SDCCAG8: variants seen among roughly 807,000 people sequenced by gnomAD.
SDCCAG8 encodes the protein SHH signaling and ciliogenesis regulator SDCCAG8, also known as serologically defined colon cancer antigen 8.
A neutral mutation model predicts 101.8 loss-of-function variants in SDCCAG8; 74 were observed. The observed-to-expected ratio is 0.73, with a 90% CI of 0.60 to 0.88. The LOEUF (loss-of-function observed/expected upper bound fraction) is 0.88, where lower values mean the gene tolerates loss of function less well. Among genes scored for constraint, SDCCAG8 ranks in the 40% least tolerant of loss-of-function variants. The probability of loss-of-function intolerance (pLI) is 0.00; values close to 1 mark genes in which losing one functional copy is unlikely to be tolerated. For synonymous variants in SDCCAG8, 281 were observed against 292.9 expected, an observed-to-expected ratio of 0.96 and a Z score of 0.41; for missense variants, 787 against 822.6, an observed-to-expected ratio of 0.96 and a Z score of 0.53.
chr1:243,269,541 C>T (rs764293119), intron 1 of SDCCAG8, among the ~76,000 whole-genome samples: 4 of 151,904 alleles, frequency 2.6e-5, no homozygotes, highest in Non-Finnish European at 4.4e-5. Context: ...AGCTGTACCG[C>T]CGGGGCTGCC....
At chr1:243,363,955 T>G (rs1167193757) in intron 12 of SDCCAG8, among the ~76,000 whole-genome samples, 1 of 152,148 alleles carries the variant, frequency 6.6e-6, no homozygotes, top group Non-Finnish European at 1.5e-5. Flanking sequence ...AGTTAGAAAA[T>G]ATAGGTTATT....
At chr1:243,287,346 A>T (rs189304221) in intron 5 of SDCCAG8, among the ~76,000 whole-genome samples, 1 of 151,334 alleles carries the variant, frequency 6.6e-6, no homozygotes, top group Admixed American at 6.6e-5. Context: ...TCATTAGTAA[A>T]TCAGCTGTTA....
At chr1:243,426,047 A>G (rs1332555233) in intron 15 of SDCCAG8, among the ~76,000 whole-genome samples, 2 of 152,240 alleles carry the variant, frequency 1.3e-5, no homozygotes, top group East Asian at 3.8e-4. Context: ...TGTTAATTAA[A>G]AGAAACTCTG....
chr1:243,256,774 G>A (rs962847767), intron 1 of SDCCAG8, among the ~76,000 whole-genome samples: 1 of 152,222 alleles, frequency 6.6e-6, no homozygotes, highest in Non-Finnish European at 1.5e-5. Flanking sequence ...GAAGCTCAGA[G>A]AGGTTGAATT....
At chr1:243,488,795 T>G (rs1486598276) in intron 16 of SDCCAG8, among the ~76,000 whole-genome samples, 1 of 152,170 alleles carries the variant, frequency 6.6e-6, no homozygotes, top group Non-Finnish European at 1.5e-5. Context: ...GATAGTGTAC[T>G]GAGATGGCTC....
rs745915721 is a variant in SDCCAG8, at chr1:243,415,821, A to T, written c.1736A>T (p.Asp579Val). 1 of 1,613,412 alleles carries T rather than the reference A, an allele frequency of 6.2e-7. No homozygotes were observed. The highest frequency in any genetic ancestry group is 8.5e-7 in the Non-Finnish European group (1 of 1,179,654). Reference protein sequence around the residue: ...QKIQQMEAQHDKTENEQYLLL... With the variant: ...QKIQQMEAQHVKTENEQYLLL... ...ATACAGCAAATGGAGGCCCAGCATG[A>T]CAAAACTGGTAGGTGGTAGGGAAAG... The change falls in exon 14 of 18, where the codon GAC becomes GTC. Residue 579 changes from aspartate to valine, a missense_variant. By Grantham distance (152) the Asp-to-Val change is radical. Transcript: ENST00000366541.
chr1:243,331,950 G>A (rs187325517), intron 10 of SDCCAG8, among the ~76,000 whole-genome samples: 4 of 152,290 alleles, frequency 2.6e-5, no homozygotes, highest in East Asian at 1.9e-4. Context: ...CATAAGGTTC[G>A]GTTTAGGATA....
At position 243,312,706 on chromosome 1, in the gene SDCCAG8, CAAAAAAA is replaced by C. The variant is rs34803859; in HGVS notation, c.930-4036_930-4030del. Among the ~76,000 whole-genome samples the C allele has an allele frequency of 1.3e-3, 129 of 99,202 alleles. 1 individual carries two copies. The highest frequency in any genetic ancestry group is 4.4e-3 in the African/African-American group (123 of 27,718). The allele number at this position is 99,202 out of a possible 152,430, so 65.1% of individuals were successfully genotyped here. A position where few individuals can be genotyped will look rare whatever the true frequency, so the allele number is the denominator to read the frequency against. On this transcript the variant is annotated intron_variant, in intron 8 of 17. Coordinates refer to ENST00000366541, the MANE Select transcript of SDCCAG8 (RefSeq NM_006642.5). The stretch of plus-strand genomic sequence containing the variant: ...GGGCAACAGAGGAAGAACCTGTCTC[CAAAAAAA>C]AAAAAAAAAAAATAATGGCTTGTAC...
intron 6 of SDCCAG8, among the ~76,000 whole-genome samples, chr1:243,294,666 C>T (rs1459915115): frequency 7.2e-6 from 1 of 139,546 alleles, no homozygotes; most frequent in Admixed American, 8.0e-5. Flanking sequence ...GAGTGTGTAT[C>T]TTTCCTAGGC....
intron 13 of SDCCAG8, among the ~76,000 whole-genome samples, chr1:243,398,368 C>CT (rs1036422409): frequency 6.4e-4 from 96 of 150,632 alleles, no homozygotes; most frequent in East Asian, 1.2e-3. Flanking sequence ...ATTTTGGTCT[C>CT]TTTTTTTTTA....
chr1:243,321,333 A>T (rs551520523), intron 9 of SDCCAG8, among the ~76,000 whole-genome samples: 5 of 152,176 alleles, frequency 3.3e-5, no homozygotes, highest in Non-Finnish European at 2.9e-5. Context: ...TGGTGGACCC[A>T]GGTATTGAGC....
chr1:243,350,632 C>T (rs2076032365), intron 12 of SDCCAG8, among the ~76,000 whole-genome samples: 1 of 152,176 alleles, frequency 6.6e-6, no homozygotes, highest in Admixed American at 6.5e-5. Context: ...AAGGATTTGA[C>T]AAATTATTTC....
At chr1:243,321,424 G>A (rs2073747966) in intron 9 of SDCCAG8, among the ~76,000 whole-genome samples, 1 of 150,510 alleles carries the variant, frequency 6.6e-6, no homozygotes. Context: ...TTGCTGCCAC[G>A]CTTATGTCCA....
At chr1:243,354,523 A>G (rs78450135) in intron 12 of SDCCAG8, among the ~76,000 whole-genome samples, 16,380 of 152,200 alleles carry the variant, frequency 0.11, 959 homozygotes, top group South Asian at 0.15. Context: ...TAAAATTTCT[A>G]CTGGAAAGAT....
At chr1:243,470,999 A>G (rs1661149324) in intron 16 of SDCCAG8, among the ~76,000 whole-genome samples, 2 of 152,164 alleles carry the variant, frequency 1.3e-5, no homozygotes, top group Non-Finnish European at 2.9e-5. Flanking sequence ...ATAAGAAGAA[A>G]TATCTGTATA....
intron 13 of SDCCAG8, among the ~76,000 whole-genome samples, chr1:243,383,144 G>A (rs538817230): frequency 7.2e-5 from 11 of 152,270 alleles, no homozygotes; most frequent in African/African-American, 2.2e-4. Context: ...GCCACCAGCC[G>A]ATAAGACTGA....
At chr1:243,369,658 A>G (rs895417299) in intron 12 of SDCCAG8, among the ~76,000 whole-genome samples, 1 of 152,184 alleles carries the variant, frequency 6.6e-6, no homozygotes, top group African/African-American at 2.4e-5. Context: ...CTTAAAAGTA[A>G]GAAATGAAGG....
intron 8 of SDCCAG8, among the ~76,000 whole-genome samples, chr1:243,314,856 C>T (rs750396821): frequency 5.9e-5 from 9 of 152,138 alleles, no homozygotes; most frequent in Non-Finnish European, 1.2e-4. Flanking sequence ...ACTACAGGTG[C>T]GCACTACCAC....
At chr1:243,294,718 C>T (rs956504662) in intron 6 of SDCCAG8, among the ~76,000 whole-genome samples, 4 of 140,948 alleles carry the variant, frequency 2.8e-5, no homozygotes, top group Non-Finnish European at 4.6e-5. Flanking sequence ...CCACAGCTGC[C>T]TTTGAACGTC....
Sources: gnomAD v4.1 joint callset for allele counts (sites outside exome capture counted in the v4.1 genomes callset) on GRCh38, gnomAD v4.1.1 for gene constraint, MANE v1.5 for transcripts, NCBI Gene and HGNC (gene_info 2026-07-23, HGNC 2026-07-21) for gene names.